Variants in ARSG observed in about 807,000 individuals in gnomAD.
The protein encoded by ARSG is arylsulfatase G, also known as ASG.
ARSG carries 37 observed loss-of-function variants against 50.5 expected under a neutral mutation model. The observed-to-expected ratio is 0.73, with a 90% CI of 0.56 to 0.96. The LOEUF (loss-of-function observed/expected upper bound fraction) is 0.96, where lower values mean the gene tolerates loss of function less well. ARSG is among the 50% of genes least tolerant of loss of function. The pLI is 0.00. For missense variants in ARSG, 629 were observed against 675.3 expected, an observed-to-expected ratio of 0.93 and a Z score of 0.76; for synonymous variants, 225 against 254.6, an observed-to-expected ratio of 0.88 and a Z score of 1.11.
the ARSG span, among the ~76,000 whole-genome samples, chr17:68,427,793 C>T: frequency 6.6e-6 from 1 of 152,348 alleles, no homozygotes; most frequent in African/African-American, 2.4e-5. Context: ...GCAAGGAGAG[C>T]AGCCATCGGT....
At chr17:68,397,817 A>G (rs2081308885) in intron 10 of ARSG, among the ~76,000 whole-genome samples, 1 of 152,076 alleles carries the variant, frequency 6.6e-6, no homozygotes, top group African/African-American at 2.4e-5. Flanking sequence ...CCCAGGCTGG[A>G]GTGCAGCGGC....
At chr17:68,299,867 T>C (rs981191745) in intron 1 of ARSG, among the ~76,000 whole-genome samples, 6 of 152,098 alleles carry the variant, frequency 3.9e-5, no homozygotes, top group Admixed American at 6.6e-5. Context: ...TGTAGTTATA[T>C]AGTAAGAATT....
the ARSG span, chr17:68,430,192 T>G: frequency 6.3e-7 from 1 of 1,585,986 alleles, no homozygotes; most frequent in South Asian, 1.1e-5. Context: ...ACGATGGGAC[T>G]GGGCTGCAGG....
chr17:68,343,639 C>T lies in ARSG; in HGVS notation c.254C>T (p.Ser85Leu). 6.2e-7 allele frequency: 1 copy of T among 1,613,436 alleles called. No individual in the cohort carries two copies. Among genetic ancestry groups the T allele is most frequent in the South Asian group, 1.1e-5 (1 of 91,012 alleles). The change falls in exon 3 of 12, where the codon TCA (serine) becomes TTA (leucine). Residue 85 changes from serine (S) to leucine (L), a missense_variant. Physicochemically the swap from Ser to Leu is moderately radical, Grantham distance 145. Coordinates refer to ENST00000621439, the MANE Select transcript of ARSG (RefSeq NM_001267727.2). ...TTCCATGCAGCTGCCTCCACCTGCT[C>T]ACCCTCCCGGGCTTCCTTGCTCACC... Reference protein sequence around the residue: ...VDFHAAASTCSPSRASLLTGR... With the variant: ...VDFHAAASTCLPSRASLLTGR...
chr17:68,440,576 C>A, the ARSG span: 1 of 152,264 alleles, frequency 6.6e-6, no homozygotes. Flanking sequence ...TTCTTCCAGT[C>A]TTTTTTCTAC....
intron 6 of ARSG, among the ~76,000 whole-genome samples, chr17:68,365,033 G>A (rs1186567583): frequency 1.3e-5 from 2 of 152,164 alleles, no homozygotes; most frequent in Non-Finnish European, 1.5e-5. Context: ...GAAGCGGTCG[G>A]GCGCAGTGGC....
chr17:68,274,076 G>A (rs201913800), intron 1 of ARSG: 18 of 1,611,066 alleles, frequency 1.1e-5, no homozygotes, highest in East Asian at 6.7e-5. Context: ...GGGAGCTGCC[G>A]GGAAAGAACA....
At chr17:68,273,896 G>C in intron 1 of ARSG, 1 of 1,609,250 alleles carries the variant, frequency 6.2e-7, no homozygotes, top group Non-Finnish European at 8.5e-7. Flanking sequence ...TAAGTGTCTA[G>C]ACAACTTCTG....
At chr17:68,348,584 G>A (rs957039134) in intron 4 of ARSG, among the ~76,000 whole-genome samples, 5 of 152,024 alleles carry the variant, frequency 3.3e-5, no homozygotes, top group Non-Finnish European at 7.4e-5. Flanking sequence ...CTGGTTCCCC[G>A]TCTCACTCTG....
the ARSG span, chr17:68,436,409 C>A: frequency 6.2e-6 from 10 of 1,613,984 alleles, no homozygotes; most frequent in Non-Finnish European, 8.5e-6. Context: ...AAAGCACAAT[C>A]TCCCCTGAAG....
chr17:68,329,043 A>T (rs1027884960), intron 2 of ARSG, among the ~76,000 whole-genome samples: 2 of 152,218 alleles, frequency 1.3e-5, no homozygotes, highest in African/African-American at 4.8e-5. Flanking sequence ...ATAAAGTCAG[A>T]TATGATAAGG....
chr17:68,286,122 A>G (rs950249585), intron 1 of ARSG, among the ~76,000 whole-genome samples: 1 of 152,082 alleles, frequency 6.6e-6, no homozygotes, highest in Non-Finnish European at 1.5e-5. Context: ...TTGCATTTAG[A>G]TGAGTGGGAC....
At chr17:68,291,946 A>G (rs980417484) in intron 1 of ARSG, among the ~76,000 whole-genome samples, 9 of 151,714 alleles carry the variant, frequency 5.9e-5, no homozygotes, top group African/African-American at 1.5e-4. Flanking sequence ...CGCCCCGGGC[A>G]GAACAGGTTC....
At chr17:68,443,797 T>C in the ARSG span, among the ~76,000 whole-genome samples, 2 of 152,226 alleles carry the variant, frequency 1.3e-5, no homozygotes, top group Admixed American at 6.5e-5. Context: ...CAAATATTAA[T>C]CTGGAGTCAT....
In ARSG at chr17:68,271,014, G is replaced by A; in HGVS notation, c.-552+11588G>A. 1 of 1,614,102 alleles carries A rather than the reference G, an allele frequency of 6.2e-7. No individual in the cohort carries two copies. Among genetic ancestry groups the A allele is most frequent in the Non-Finnish European group, 8.5e-7 (1 of 1,180,036 alleles). ...ATATGCTGCATGACATTAGACCCCAGAATTCAGTAGCAAAAGTAAAGGCAA... is the reference window on the plus strand; with the variant it reads ...ATATGCTGCATGACATTAGACCCCAAAATTCAGTAGCAAAAGTAAAGGCAA... On this transcript the variant is annotated intron_variant, in intron 1 of 11. Coordinates refer to the ARSG transcript ENST00000448504. This position sits in a 1 kb window ranked among gnomAD's most constrained non-coding sequence, Gnocchi z 5.3.
At chr17:68,350,560 T>C (rs973186439) in intron 4 of ARSG, among the ~76,000 whole-genome samples, 3 of 151,424 alleles carry the variant, frequency 2.0e-5, no homozygotes, top group African/African-American at 7.3e-5. Context: ...CTGAGGTGGG[T>C]GTATCACGAG....
intron 1 of ARSG, among the ~76,000 whole-genome samples, chr17:68,296,385 T>A (rs1451706884): frequency 1.3e-5 from 2 of 152,202 alleles, no homozygotes; most frequent in African/African-American, 2.4e-5. Flanking sequence ...AGGTACCTCC[T>A]GTCCTGTGTT....
At chr17:68,335,595 T>C (rs1264935542) in intron 2 of ARSG, among the ~76,000 whole-genome samples, 1 of 151,502 alleles carries the variant, frequency 6.6e-6, no homozygotes, top group Non-Finnish European at 1.5e-5. Flanking sequence ...GGTATATAAT[T>C]ACATGGAGAA....
At chr17:68,372,486 C>T (rs1343980117) in intron 8 of ARSG, among the ~76,000 whole-genome samples, 2 of 152,232 alleles carry the variant, frequency 1.3e-5, no homozygotes, top group South Asian at 2.1e-4. Flanking sequence ...GAAGGGGAAG[C>T]GTGTATGTCC....
Sources: allele counts gnomAD v4.1 joint callset (sites outside exome capture counted in the v4.1 genomes callset), GRCh38; gene constraint gnomAD v4.1.1; non-coding constraint Gnocchi (gnomAD v3.1); transcripts MANE v1.5; gene names NCBI Gene and HGNC (gene_info 2026-07-23, HGNC 2026-07-21).